Variants in ZMIZ1 observed in about 807,000 individuals in gnomAD.
ZMIZ1 encodes zinc finger MIZ domain-containing protein 1.
A neutral mutation model predicts 113.9 loss-of-function variants in ZMIZ1; 17 were observed. The observed-to-expected ratio is 0.15, with a 90% CI of 0.10 to 0.22. ZMIZ1 has a LOEUF of 0.22. Ranked by LOEUF, ZMIZ1 falls within the 10% of genes least tolerant of loss-of-function variation. The pLI is 1.00. For synonymous variants in ZMIZ1, 607 were observed against 603.1 expected, an observed-to-expected ratio of 1.01 and a Z score of -0.09; for missense variants, 1,059 against 1,477.8, an observed-to-expected ratio of 0.72 and a Z score of 4.65.
intron 7 of ZMIZ1, among the ~76,000 whole-genome samples, chr10:79,252,031 G>C (rs779788173): frequency 6.6e-6 from 1 of 152,170 alleles, no homozygotes; most frequent in Non-Finnish European, 1.5e-5. Context: ...GGCTTCCACT[G>C]TAAGCTCAGG....
At chr10:79,299,642 TCAGA>T (rs1213565776) in intron 16 of ZMIZ1, among the ~76,000 whole-genome samples, 1 of 152,246 alleles carries the variant, frequency 6.6e-6, no homozygotes, top group East Asian at 1.9e-4. Flanking sequence ...GGGCTGCTGC[TCAGA>T]CACTTAGGCA....
Position 79,316,159 on chromosome 10 carries a change from T to C in ZMIZ1, c.*3410T>C, listed in dbSNP as rs781391512. 2.0e-4 allele frequency: 30 copies of C among 152,674 alleles called. No homozygotes were observed. Among genetic ancestry groups the C allele is most frequent in the African/African-American group, 6.8e-4 (28 of 41,454 alleles). 9.5% of individuals were successfully genotyped at this position (152,674 alleles called of 1,614,324 possible). Reference sequence around the variant, plus strand: ...TTTTGATATCATGATCACAGGTGATTCACACGTACACACATAAACACACCC... The same window carrying C: ...TTTTGATATCATGATCACAGGTGATCCACACGTACACACATAAACACACCC... On this transcript the variant is annotated 3_prime_UTR_variant, in exon 25 of 25. Transcript: ENST00000334512.
chr10:79,127,391 C>T (rs564567544), intron 2 of ZMIZ1, among the ~76,000 whole-genome samples: 19 of 152,312 alleles, frequency 1.2e-4, no homozygotes, highest in African/African-American at 4.6e-4. Context: ...CGCAAATTCC[C>T]CCAGCAGTTT....
intron 1 of ZMIZ1, among the ~76,000 whole-genome samples, chr10:79,070,592 C>G (rs929517285): frequency 1.6e-4 from 24 of 152,122 alleles, no homozygotes; most frequent in Non-Finnish European, 1.5e-5. Context: ...CCAGCCCTAC[C>G]CCTCTACCTG....
chr10:79,278,251 G>A (rs888158742), intron 8 of ZMIZ1, among the ~76,000 whole-genome samples: 1 of 152,148 alleles, frequency 6.6e-6, no homozygotes, highest in African/African-American at 2.4e-5. Flanking sequence ...TGCCTGCCTT[G>A]GTCATAAGCC....
At chr10:79,157,946 T>C (rs1485962539) in intron 3 of ZMIZ1, among the ~76,000 whole-genome samples, 6 of 150,944 alleles carry the variant, frequency 4.0e-5, no homozygotes. Flanking sequence ...GGCACATCTG[T>C]AAAATGACAG....
intron 16 of ZMIZ1, among the ~76,000 whole-genome samples, chr10:79,300,453 C>T (rs948012695): frequency 7.9e-5 from 12 of 152,260 alleles, no homozygotes; most frequent in African/African-American, 2.9e-4. Flanking sequence ...AGGAGTTGAC[C>T]CCTACAGGGA....
chr10:79,268,019 C>T (rs1018530298), intron 7 of ZMIZ1, among the ~76,000 whole-genome samples: 2 of 152,232 alleles, frequency 1.3e-5, no homozygotes, highest in East Asian at 1.9e-4. Context: ...CAGGCTTCCC[C>T]GGTCCCAGGA....
Position 79,291,141 on chromosome 10 carries a change from G to C in ZMIZ1, c.723G>C (p.Arg241=), listed in dbSNP as rs1411791337. Residue 241 remains arginine (R), a synonymous_variant, in exon 10 of 25, where the codon CGG becomes CGC. Transcript: ENST00000334512. ...QPYIQQSMYG[R]PNYPGSGGFG... is the part of the protein sequence containing the mutation. ...ACATCCAGCAGAGCATGTATGGCCG[G>C]CCCAACTACCCCGGCAGCGGGGGCT... 1 of 1,612,676 alleles carries C rather than the reference G, an allele frequency of 6.2e-7. No individual in the cohort carries two copies. Among genetic ancestry groups the C allele is most frequent in the Non-Finnish European group, 8.5e-7 (1 of 1,179,042 alleles).
At chr10:79,210,756 A>G (rs74968940) in intron 6 of ZMIZ1, among the ~76,000 whole-genome samples, 3,555 of 152,332 alleles carry the variant, frequency 0.023, 116 homozygotes, top group African/African-American at 0.07. Context: ...TTGGAGGGCA[A>G]TGGGGAGCCC....
intron 4 of ZMIZ1, among the ~76,000 whole-genome samples, chr10:79,189,971 G>A (rs1488889610): frequency 2.0e-5 from 3 of 152,192 alleles, no homozygotes; most frequent in Admixed American, 6.5e-5. Flanking sequence ...GCTGACGCAC[G>A]CCCCTCCCAT....
chr10:79,262,864 G>A (rs1451646932), intron 7 of ZMIZ1, among the ~76,000 whole-genome samples: 1 of 152,230 alleles, frequency 6.6e-6, no homozygotes, highest in Non-Finnish European at 1.5e-5. Flanking sequence ...CTGGGGACTT[G>A]GAGAGGTTTA....
At chr10:79,185,881 A>G (rs1847331796) in intron 4 of ZMIZ1, among the ~76,000 whole-genome samples, 1 of 152,094 alleles carries the variant, frequency 6.6e-6, no homozygotes, top group Non-Finnish European at 1.5e-5. Flanking sequence ...ATTCCTGTCC[A>G]TCATCTGCTC....
At chr10:79,233,526 C>T (rs1458644351) in intron 7 of ZMIZ1, among the ~76,000 whole-genome samples, 2 of 152,248 alleles carry the variant, frequency 1.3e-5, no homozygotes, top group Non-Finnish European at 2.9e-5. Context: ...ACCTAATCCT[C>T]TCCCAAAGGC....
rs774123405 is a variant in ZMIZ1 at position 79,311,017 on chromosome 10, C to A, written c.2929C>A (p.His977Asn). ...CAGCAGCCAGTCAGGGCCTCCATTA[C>A]ATCACAGTGGGGCTCCTCCTCCTCC... ...HPSSQSGPPLHHSGAPPPPPS... is the reference protein window; with the variant it reads ...HPSSQSGPPLNHSGAPPPPPS... Residue 977 changes from histidine to asparagine, a missense_variant, in exon 24 of 25, where the codon CAT (histidine) becomes AAT (asparagine). His to Asn is a moderately conservative substitution (Grantham distance 68). This residue lies in a region of ZMIZ1 where 225 missense variants were observed against 276.0 expected (regional missense o/e 0.82). Transcript: ENST00000334512. 12 of 1,613,986 alleles carry A rather than the reference C, an allele frequency of 7.4e-6. 1 individual carries two copies. In the South Asian group the frequency reaches 1.3e-4, roughly 18 times the overall value.
At chr10:79,279,219 C>T (rs569516833) in intron 8 of ZMIZ1, among the ~76,000 whole-genome samples, 83 of 150,684 alleles carry the variant, frequency 5.5e-4, no homozygotes, top group East Asian at 4.0e-4. Flanking sequence ...GGGCGGCTGC[C>T]GGGCGGTGGG....
At chr10:79,161,937 C>A (rs1846128395) in intron 3 of ZMIZ1, 116 bp from the exon 4 acceptor site, 4 of 398,538 alleles carry the variant, frequency 1.0e-5, no homozygotes, top group Non-Finnish European at 1.8e-5. Flanking sequence ...CATCATGTCC[C>A]TTCAGAGTCC....
chr10:79,280,588 T>G (rs567271596), intron 8 of ZMIZ1, among the ~76,000 whole-genome samples: 1 of 151,842 alleles, frequency 6.6e-6, no homozygotes, highest in African/African-American at 2.4e-5. Context: ...ACAGGGGTAA[T>G]TTTTCTTGGT....
chr10:79,294,349 C>T (rs1173542000), intron 12 of ZMIZ1: 2 of 152,704 alleles, frequency 1.3e-5, no homozygotes, highest in Non-Finnish European at 2.9e-5. Flanking sequence ...GTGGCACTGC[C>T]TCTTGGGCTG....
Sources: allele counts gnomAD v4.1 joint callset (sites outside exome capture counted in the v4.1 genomes callset), GRCh38; gene constraint gnomAD v4.1.1; regional missense constraint gnomAD v4.1.1; transcripts MANE v1.5; gene names NCBI Gene and HGNC (gene_info 2026-07-23, HGNC 2026-07-21).